WIPF1: variants seen among roughly 807,000 people sequenced by gnomAD.
WIPF1 encodes the protein WAS/WASL-interacting protein family member 1.
A neutral mutation model predicts 35.4 loss-of-function variants in WIPF1; 13 were observed. The observed-to-expected ratio is 0.37, with a 90% CI of 0.24 to 0.58. WIPF1 has a LOEUF of 0.58. Among genes scored for constraint, WIPF1 ranks in the 20% least tolerant of loss-of-function variants. WIPF1 has a pLI of 0.74. For synonymous variants in WIPF1, 267 were observed against 266.3 expected (o/e 1.00, Z -0.02); for missense variants, 591 against 667.0 (o/e 0.89, Z 1.25).
intron 7 of WIPF1, chr2:174,566,735 A>C (rs1431275997): frequency 9.5e-6 from 2 of 209,476 alleles, no homozygotes; most frequent in East Asian, 2.2e-4. Context: ...TGCCAATTTC[A>C]AAACTAGAAG....
At chr2:174,679,224 A>G (rs1260932432) in intron 1 of WIPF1, among the ~76,000 whole-genome samples, 1 of 152,160 alleles carries the variant, frequency 6.6e-6, no homozygotes, top group Non-Finnish European at 1.5e-5. Flanking sequence ...TAATCCCAGC[A>G]CTTTGGGAGG....
chr2:174,607,776 A>G (rs918718329), intron 1 of WIPF1, among the ~76,000 whole-genome samples: 10 of 152,094 alleles, frequency 6.6e-5, no homozygotes, highest in African/African-American at 2.4e-4. Context: ...TTCCCACCAG[A>G]GAGGCAGCTC....
intron 3 of WIPF1, among the ~76,000 whole-genome samples, chr2:174,580,372 C>A (rs982248487): frequency 9.2e-5 from 14 of 152,208 alleles, no homozygotes; most frequent in African/African-American, 3.1e-4. Flanking sequence ...CAGTAGTCCA[C>A]CTAACTCTGA....
intron 1 of WIPF1, among the ~76,000 whole-genome samples, chr2:174,615,689 G>C (rs1311490443): frequency 6.6e-6 from 1 of 152,104 alleles, no homozygotes; most frequent in African/African-American, 2.4e-5. Flanking sequence ...AACTTATCAG[G>C]ACCCAAGAGC....
chr2:174,627,530 CTCTCTT>C (rs1453243756), intron 1 of WIPF1, among the ~76,000 whole-genome samples: 1 of 146,694 alleles, frequency 6.8e-6, no homozygotes, highest in Non-Finnish European at 1.5e-5. Context: ...CTCCCTCCTT[CTCTCTT>C]TCTTTCTCTT....
At chr2:174,582,717 C>T (rs891380902) in intron 2 of WIPF1, among the ~76,000 whole-genome samples, 6 of 152,198 alleles carry the variant, frequency 3.9e-5, no homozygotes, top group African/African-American at 1.2e-4. Context: ...GCTACTGCTC[C>T]TGGCCTAACT....
intron 1 of WIPF1, among the ~76,000 whole-genome samples, chr2:174,604,224 A>G (rs1034152785): frequency 5.3e-5 from 8 of 152,236 alleles, no homozygotes; most frequent in Non-Finnish European, 8.8e-5. Flanking sequence ...TACTGTGACA[A>G]AGAATCTTTT....
intron 1 of WIPF1, among the ~76,000 whole-genome samples, chr2:174,595,109 AATAT>A (rs1158052520): frequency 1.5e-3 from 85 of 57,686 alleles, no homozygotes; most frequent in Non-Finnish European, 1.7e-3. Flanking sequence ...AAAAAAAAAA[AATAT>A]ATATATATAT....
At chr2:174,637,342 T>A (rs937124469) in intron 1 of WIPF1, among the ~76,000 whole-genome samples, 2 of 152,238 alleles carry the variant, frequency 1.3e-5, no homozygotes, top group Admixed American at 1.3e-4. Context: ...TTTGGTTTCT[T>A]TTTTTGTTTT....
At chr2:174,640,941 G>A (rs1318544593) in intron 1 of WIPF1, among the ~76,000 whole-genome samples, 11 of 152,062 alleles carry the variant, frequency 7.2e-5, no homozygotes, top group Admixed American at 7.2e-4. Flanking sequence ...AGATCCAAAA[G>A]AGCAAAAGCA....
At chr2:174,624,293 G>A (rs963536286) in intron 1 of WIPF1, among the ~76,000 whole-genome samples, 17 of 152,122 alleles carry the variant, frequency 1.1e-4, no homozygotes, top group African/African-American at 2.7e-4. Flanking sequence ...AAGTCTTCCC[G>A]CAAAATTCAA....
chr2:174,624,993 C>A (rs758224587), intron 1 of WIPF1, among the ~76,000 whole-genome samples: 4 of 152,212 alleles, frequency 2.6e-5, no homozygotes, highest in Non-Finnish European at 5.9e-5. Flanking sequence ...GAGCCCTGAG[C>A]TCAGGCCAGA....
intron 4 of WIPF1, among the ~76,000 whole-genome samples, chr2:174,572,888 T>G (rs1197782066): frequency 6.6e-6 from 1 of 152,154 alleles, no homozygotes; most frequent in Non-Finnish European, 1.5e-5. Flanking sequence ...GGTGAAAAAA[T>G]TAATTATCCC....
chr2:174,678,800 C>T (rs888911092), intron 1 of WIPF1, among the ~76,000 whole-genome samples: 2 of 152,242 alleles, frequency 1.3e-5, no homozygotes, highest in African/African-American at 2.4e-5. Context: ...GCAGATACTG[C>T]GGGCTGGCAG....
At chr2:174,677,044 C>T (rs778387223) in intron 1 of WIPF1, 10 of 151,914 alleles carry the variant, frequency 6.6e-5, no homozygotes, top group Non-Finnish European at 1.2e-4. Context: ...TCCGAGCTTA[C>T]TTGGGAGGCT....
At chr2:174,614,150 G>T (rs1430184) in intron 1 of WIPF1, among the ~76,000 whole-genome samples, 111 of 152,262 alleles carry the variant, frequency 7.3e-4, no homozygotes, top group African/African-American at 2.6e-3. Context: ...GTTAAGAAAC[G>T]GGGATTAATA....
At chr2:174,641,537 G>A (rs1574856137) in intron 1 of WIPF1, among the ~76,000 whole-genome samples, 1 of 152,190 alleles carries the variant, frequency 6.6e-6, no homozygotes, top group Non-Finnish European at 1.5e-5. Context: ...ATGTTTTATA[G>A]ATCTTTTTTC....
chr2:174,667,424 TG>T (rs553391189), intron 1 of WIPF1, among the ~76,000 whole-genome samples: 62 of 152,338 alleles, frequency 4.1e-4, no homozygotes, highest in Admixed American at 5.2e-4. Context: ...CCCCCGTCCC[TG>T]GGCTGTTTTG....
intron 1 of WIPF1, among the ~76,000 whole-genome samples, chr2:174,635,973 C>T (rs866177294): frequency 1.3e-5 from 2 of 152,092 alleles, no homozygotes; most frequent in African/African-American, 4.8e-5. Flanking sequence ...ACCATTTTGA[C>T]AGTTGATGGC....
Sources: allele counts gnomAD v4.1 joint callset (sites outside exome capture counted in the v4.1 genomes callset), GRCh38; gene constraint gnomAD v4.1.1; transcripts MANE v1.5; gene names NCBI Gene and HGNC (gene_info 2026-07-23, HGNC 2026-07-21).